Variants in FRMD4A observed in about 807,000 individuals in gnomAD.
FRMD4A encodes FERM domain containing 4A.
In FRMD4A, 29 loss-of-function variants were observed where a neutral mutation model predicts 129.1. The observed-to-expected ratio is 0.22, with a 90% CI of 0.17 to 0.31. The LOEUF (loss-of-function observed/expected upper bound fraction) is 0.31. Among genes scored for constraint, FRMD4A ranks in the 10% least tolerant of loss-of-function variants. The pLI is 1.00. For missense variants in FRMD4A, 1,272 were observed against 1,375.8 expected (o/e 0.92, Z 1.19); for synonymous variants, 634 against 571.6 (o/e 1.11, Z -1.56).
intron 2 of FRMD4A, among the ~76,000 whole-genome samples, chr10:14,325,791 G>T (rs893237866): frequency 2.6e-5 from 4 of 152,156 alleles, no homozygotes; most frequent in African/African-American, 9.7e-5. Flanking sequence ...AAATGGCTTA[G>T]AAAAGAATTT....
intron 2 of FRMD4A, among the ~76,000 whole-genome samples, chr10:14,282,090 G>C (rs182627590): frequency 1.3e-5 from 2 of 152,056 alleles, no homozygotes; most frequent in Admixed American, 6.6e-5. Context: ...GGGGTTTTTC[G>C]TTATAAAACC....
At chr10:13,831,655 A>T (rs924610267) in intron 3 of FRMD4A, among the ~76,000 whole-genome samples, 6 of 152,206 alleles carry the variant, frequency 3.9e-5, no homozygotes, top group African/African-American at 1.4e-4. Context: ...AAGATGGTGT[A>T]TGGGACATGT....
At chr10:14,042,394 A>G (rs541045172) in intron 2 of FRMD4A, among the ~76,000 whole-genome samples, 55 of 152,330 alleles carry the variant, frequency 3.6e-4, no homozygotes, top group Non-Finnish European at 6.6e-4. Flanking sequence ...GCTCCAGCCA[A>G]TAGAAACCAG....
chr10:13,964,620 T>C (rs1189964793), intron 2 of FRMD4A, among the ~76,000 whole-genome samples: 2 of 152,060 alleles, frequency 1.3e-5, no homozygotes, highest in Non-Finnish European at 2.9e-5. Flanking sequence ...ATTCATTGCT[T>C]ACAAAAGTGA....
At chr10:14,093,560 T>C (rs548025098) in intron 2 of FRMD4A, among the ~76,000 whole-genome samples, 5 of 152,312 alleles carry the variant, frequency 3.3e-5, no homozygotes, top group Middle Eastern at 3.4e-3. Context: ...CACCCACTCA[T>C]ACATAATAAA....
At position 13,931,328 on chromosome 10, in the gene FRMD4A, C is replaced by T. The variant is rs111731780; in HGVS notation, c.46-72416G>A. On this transcript the variant is annotated intron_variant, in intron 2 of 24. Transcript: ENST00000357447. ...GGGCTGTTATGTATTCCCCCACCTA[C>T]CCCTTCTGGACTGTATGACTCTAGC... Among the ~76,000 whole-genome samples, 235 of 152,282 alleles carry T rather than the reference C, an allele frequency of 1.5e-3. 2 individuals are homozygous for T. The highest frequency in any genetic ancestry group is 2.5e-3 in the Admixed American group (38 of 15,304).
intron 2 of FRMD4A, among the ~76,000 whole-genome samples, chr10:14,058,356 A>G (rs979134166): frequency 2.0e-5 from 3 of 152,232 alleles, no homozygotes; most frequent in Admixed American, 2.0e-4. Flanking sequence ...CTTTCAAAAT[A>G]TTCATTTCTC....
In FRMD4A at chr10:13,763,384, C is replaced by T. The variant is rs868464355; in HGVS notation, c.385-704G>A. Among the ~76,000 whole-genome samples, 4 of 152,258 alleles carry T rather than the reference C, an allele frequency of 2.6e-5. No individual in the cohort carries two copies. In the South Asian group the frequency reaches 6.2e-4, roughly 24 times the overall value. Reference sequence around the variant, plus strand: ...GAATGTTACAGTGGGATTGTAACTCCTTAAAATTAAATAAAATGTAAAAAT... The same window carrying T: ...GAATGTTACAGTGGGATTGTAACTCTTTAAAATTAAATAAAATGTAAAAAT... On this transcript the variant is annotated intron_variant, in intron 6 of 24. Transcript: ENST00000357447.
At chr10:14,172,957 G>A (rs921123076) in intron 2 of FRMD4A, among the ~76,000 whole-genome samples, 1 of 152,122 alleles carries the variant, frequency 6.6e-6, no homozygotes, top group Non-Finnish European at 1.5e-5. Flanking sequence ...CAAAGGATGG[G>A]GTGTCTTCCT....
chr10:14,285,086 C>A (rs1469228007), intron 2 of FRMD4A, among the ~76,000 whole-genome samples: 1 of 152,102 alleles, frequency 6.6e-6, no homozygotes, highest in African/African-American at 2.4e-5. Flanking sequence ...ATCTAAATAT[C>A]TAAGATTGTA....
At chr10:14,206,657 A>G (rs1026343850) in intron 2 of FRMD4A, among the ~76,000 whole-genome samples, 2 of 151,752 alleles carry the variant, frequency 1.3e-5, no homozygotes, top group Admixed American at 6.6e-5. Flanking sequence ...ACAAAAAAAA[A>G]TTAGCCGGGC....
At chr10:14,030,908 T>A (rs1169984096) in intron 2 of FRMD4A, among the ~76,000 whole-genome samples, 2 of 152,156 alleles carry the variant, frequency 1.3e-5, no homozygotes, top group East Asian at 3.8e-4. Flanking sequence ...CCCACCGCAG[T>A]CCCTGGCTCA....
At chr10:13,717,691 T>TG (rs2088958240) in intron 12 of FRMD4A, among the ~76,000 whole-genome samples, 1 of 70,452 alleles carries the variant, frequency 1.4e-5, no homozygotes, top group Non-Finnish European at 2.8e-5. Flanking sequence ...CTGTTGTTCT[T>TG]GTTTTTTTTT....
chr10:13,903,720 T>TA (rs952753011), intron 2 of FRMD4A, among the ~76,000 whole-genome samples: 113 of 127,276 alleles, frequency 8.9e-4, no homozygotes, highest in African/African-American at 3.3e-3. Flanking sequence ...AAAATAAAAA[T>TA]AAAAAAAAAA....
chr10:13,954,330 C>T (rs1471530297), intron 2 of FRMD4A, among the ~76,000 whole-genome samples: 2 of 152,156 alleles, frequency 1.3e-5, no homozygotes, highest in Admixed American at 6.5e-5. Context: ...GCCTCACAAT[C>T]ATGGTGGAAG....
chr10:14,092,880 A>G (rs1450550482), intron 2 of FRMD4A, among the ~76,000 whole-genome samples: 15 of 152,228 alleles, frequency 9.9e-5, no homozygotes, highest in Admixed American at 9.8e-4. Context: ...AATGGGACTC[A>G]GGCCTAGGGG....
At chr10:14,054,011 A>G (rs541425616) in intron 2 of FRMD4A, among the ~76,000 whole-genome samples, 2 of 151,676 alleles carry the variant, frequency 1.3e-5, no homozygotes, top group South Asian at 4.2e-4. Context: ...TGTCCCTACA[A>G]AATTTTTTTT....
chr10:14,176,602 G>A (rs543637317), intron 2 of FRMD4A, among the ~76,000 whole-genome samples: 3 of 150,710 alleles, frequency 2.0e-5, no homozygotes, highest in Admixed American at 1.3e-4. Context: ...AGCCTCCCGA[G>A]TAGCTGGGAT....
chr10:13,775,692 A>G (rs1292289378), intron 6 of FRMD4A, among the ~76,000 whole-genome samples: 1 of 152,210 alleles, frequency 6.6e-6, no homozygotes, highest in Non-Finnish European at 1.5e-5. Flanking sequence ...GAGACTCTGC[A>G]TGAGACCAAG....
Sources: gnomAD v4.1 joint callset for allele counts (sites outside exome capture counted in the v4.1 genomes callset) on GRCh38, gnomAD v4.1.1 for gene constraint, MANE v1.5 for transcripts, NCBI Gene and HGNC (gene_info 2026-07-23, HGNC 2026-07-21) for gene names.